Variants in DIAPH2 observed in about 807,000 individuals in gnomAD.
DIAPH2 encodes the protein protein diaphanous homolog 2.
A neutral mutation model predicts 92.7 loss-of-function variants in DIAPH2; 35 were observed. The ratio of observed to expected loss-of-function variants is 0.38; its 90% confidence interval spans 0.29 to 0.50. The LOEUF (loss-of-function observed/expected upper bound fraction) is 0.50. DIAPH2 is among the 20% of genes least tolerant of loss of function. DIAPH2 has a pLI of 0.94. For missense variants in DIAPH2, 701 were observed against 819.5 expected (o/e 0.86, Z 1.77); for synonymous variants, 301 against 280.4 (o/e 1.07, Z -0.73).
At position 96,800,801 on chromosome X, in the gene DIAPH2, T is replaced by C. The variant is rs1453215013; in HGVS notation, c.447+42543T>C. ...CGATACAATTAATATCAAATGCATATAAATCCTATTAGAGATCTGTCATGG... is the reference window on the plus strand; with the variant it reads ...CGATACAATTAATATCAAATGCATACAAATCCTATTAGAGATCTGTCATGG... On this transcript the variant is annotated intron_variant, in intron 4 of 26. Transcript: ENST00000324765. 3.6e-5 allele frequency among the ~76,000 whole-genome samples: 4 copies of C among 112,299 alleles called. No individual in the cohort carries two copies. The East Asian group carries it at 1.1e-3, about 31-fold the overall frequency.
At chrX:97,061,766 A>G (rs2066599430) in intron 17 of DIAPH2, among the ~76,000 whole-genome samples, 1 of 98,076 alleles carries the variant, frequency 1.0e-5, no homozygotes, top group Admixed American at 1.2e-4. Flanking sequence ...GTAGGCCGAG[A>G]TCGCACCACT....
chrX:96,976,799 A>G (rs1421594294), intron 17 of DIAPH2, among the ~76,000 whole-genome samples: 2 of 111,157 alleles, frequency 1.8e-5, no homozygotes, highest in South Asian at 3.8e-4. Context: ...TACAACATCT[A>G]GTAACAGCAA....
At chrX:97,274,006 GGT>G (rs55778849) in intron 23 of DIAPH2, among the ~76,000 whole-genome samples, 26,161 of 86,359 alleles carry the variant, frequency 0.3, 3,531 homozygotes, top group East Asian at 0.44. Context: ...TAAAACTAGC[GGT>G]GTGTGTGTGT....
intron 15 of DIAPH2, among the ~76,000 whole-genome samples, chrX:96,957,274 G>A (rs1281935457): frequency 8.9e-6 from 1 of 112,318 alleles, no homozygotes; most frequent in African/African-American, 3.2e-5. Flanking sequence ...ACCTGCCTCG[G>A]TCTCCCAAAG....
intron 17 of DIAPH2, among the ~76,000 whole-genome samples, chrX:97,015,834 A>G (rs182181560): frequency 1.2e-4 from 13 of 107,920 alleles, no homozygotes; most frequent in Admixed American, 1.2e-3. Context: ...ACAGCAGATG[A>G]TCTGTGTAAG....
intron 5 of DIAPH2, among the ~76,000 whole-genome samples, chrX:96,882,583 G>A (rs1006465025): frequency 1.5e-4 from 16 of 110,326 alleles, no homozygotes; most frequent in African/African-American, 5.3e-4. Flanking sequence ...CAGTAACTGT[G>A]GTTCCTTTAT....
At chrX:97,283,685 G>A (rs1007225296) in intron 23 of DIAPH2, among the ~76,000 whole-genome samples, 4 of 112,952 alleles carry the variant, frequency 3.5e-5, no homozygotes, top group Non-Finnish European at 7.5e-5. Context: ...GCTCACGCCT[G>A]TAATCCCAGC....
intron 14 of DIAPH2, among the ~76,000 whole-genome samples, chrX:96,947,393 G>A (rs761957386): frequency 2.7e-5 from 3 of 111,148 alleles, no homozygotes; most frequent in Admixed American, 1.9e-4. Context: ...AGGCAAACAA[G>A]CTCACATTGG....
chrX:97,188,784 A>C (rs1216229120), intron 22 of DIAPH2, among the ~76,000 whole-genome samples: 1 of 112,400 alleles, frequency 8.9e-6, no homozygotes, highest in African/African-American at 3.2e-5. Flanking sequence ...CAGACTTTTA[A>C]AAAATAATTT....
chrX:97,180,683 A>G (rs1301140177), intron 22 of DIAPH2, among the ~76,000 whole-genome samples: 3 of 111,873 alleles, frequency 2.7e-5, no homozygotes, highest in Non-Finnish European at 3.8e-5. Flanking sequence ...ATTTTTGTAT[A>G]AGGTGTAAGG....
At chrX:96,867,747 T>G (rs1416160992) in intron 4 of DIAPH2, among the ~76,000 whole-genome samples, 4 of 111,808 alleles carry the variant, frequency 3.6e-5, no homozygotes, top group Non-Finnish European at 7.5e-5. Context: ...AAATCAACTT[T>G]CATATATTTT....
intron 13 of DIAPH2, among the ~76,000 whole-genome samples, chrX:96,945,307 C>T (rs1257295427): frequency 9.0e-6 from 1 of 111,287 alleles, no homozygotes; most frequent in Non-Finnish European, 1.9e-5. Flanking sequence ...TTTTTAGATG[C>T]TTGGTTTTGT....
At chrX:97,411,333 C>G (rs768622353) in intron 25 of DIAPH2, among the ~76,000 whole-genome samples, 2 of 111,861 alleles carry the variant, frequency 1.8e-5, no homozygotes, top group East Asian at 5.6e-4. Context: ...AAATAAAATC[C>G]TTTACAGACA....
chrX:97,082,519 C>A (rs1403063217), intron 19 of DIAPH2, among the ~76,000 whole-genome samples: 1 of 109,438 alleles, frequency 9.1e-6, no homozygotes, highest in Non-Finnish European at 1.9e-5. Flanking sequence ...ATAGTACCAG[C>A]TACTCGGGAG....
At chrX:97,272,985 G>T (rs1207054973) in intron 23 of DIAPH2, among the ~76,000 whole-genome samples, 1 of 111,145 alleles carries the variant, frequency 9.0e-6, no homozygotes, top group African/African-American at 3.3e-5. Context: ...GAGAAACCCA[G>T]TCTGTACTAA....
chrX:97,570,797 T>C (rs982029896), intron 26 of DIAPH2, among the ~76,000 whole-genome samples: 2 of 111,781 alleles, frequency 1.8e-5, no homozygotes, highest in Non-Finnish European at 3.8e-5. Context: ...TGGCCTTTAA[T>C]GATACAGACA....
At chrX:97,248,707 C>A (rs1278073341) in intron 23 of DIAPH2, among the ~76,000 whole-genome samples, 1 of 111,550 alleles carries the variant, frequency 9.0e-6, no homozygotes, top group Admixed American at 9.6e-5. Flanking sequence ...AAGTAAATTC[C>A]TTCAACAACT....
At chrX:97,560,019 C>T (rs1026267543) in intron 26 of DIAPH2, among the ~76,000 whole-genome samples, 1 of 111,894 alleles carries the variant, frequency 8.9e-6, no homozygotes, top group African/African-American at 3.3e-5. Flanking sequence ...ATCCTACCCA[C>T]GTCTCAAGGC....
chrX:97,136,534 A>C (rs778524741), intron 21 of DIAPH2, among the ~76,000 whole-genome samples: 1 of 111,858 alleles, frequency 8.9e-6, no homozygotes, highest in African/African-American at 3.2e-5. Flanking sequence ...GAAGGGAGTG[A>C]CATGATCATA....
Sources: allele counts gnomAD v4.1 joint callset (sites outside exome capture counted in the v4.1 genomes callset), GRCh38; gene constraint gnomAD v4.1.1; transcripts MANE v1.5; gene names NCBI Gene and HGNC (gene_info 2026-07-23, HGNC 2026-07-21).